The following NSD2 variants were observed in gnomAD, a reference collection of about 807,000 sequenced individuals.
The protein encoded by NSD2 is nuclear receptor binding SET domain protein 2, also known as histone-lysine N-methyltransferase NSD2.
Under a neutral mutation model 139.0 loss-of-function variants are expected in NSD2, and 12 were observed. That is an observed-to-expected ratio of 0.09 (90% CI 0.06 to 0.14). NSD2 has a LOEUF of 0.14. Ranked by LOEUF, NSD2 falls within the 10% of genes least tolerant of loss-of-function variation. The pLI is 1.00. For synonymous variants in NSD2, 669 were observed against 648.7 expected (o/e 1.03, Z -0.48); for missense variants, 1,155 against 1,745.0 (o/e 0.66, Z 6.02).
At chr4:1,900,590 CTTTTTCTTTCT>C in intron 1 of NSD2, 25 bp from the exon 2 acceptor site, 2 of 1,412,294 alleles carry the variant, frequency 1.4e-6, no homozygotes, top group Non-Finnish European at 1.9e-6. Context: ...AATGTAATTG[CTTTTTCTTTCT>C]TTTTTCTTTT....
At chr4:1,968,465 A>C (rs905884982) in intron 18 of NSD2, among the ~76,000 whole-genome samples, 1 of 152,218 alleles carries the variant, frequency 6.6e-6, no homozygotes, top group African/African-American at 2.4e-5. Flanking sequence ...AGACTTTGTT[A>C]AAGTATACAT....
At chr4:1,936,173 A>G (rs528306346) in intron 7 of NSD2, among the ~76,000 whole-genome samples, 211 of 152,166 alleles carry the variant, frequency 1.4e-3, no homozygotes, top group African/African-American at 4.9e-3. Context: ...TTTGCCTGGT[A>G]CCTGCAGGGG....
chr4:1,930,783 T>A lies in NSD2; in HGVS notation c.1555+13T>A. 1 of 1,610,770 alleles carries A rather than the reference T, an allele frequency of 6.2e-7. No individual in the cohort carries two copies. Among genetic ancestry groups the A allele is most frequent in the South Asian group, 1.1e-5 (1 of 90,536 alleles). ...GAAGAAGACTCTGGTAAACATAGCA[T>A]TATGCTGATGTCCTCTGCTTGGGTT... On this transcript the variant is annotated intron_variant, in intron 6 of 21. Coordinates refer to ENST00000508803, the MANE Select transcript of NSD2 (RefSeq NM_001042424.3).
chr4:1,953,126 C>T, intron 11 of NSD2, 198 bp from the exon 12 acceptor site: 1 of 1,541,400 alleles, frequency 6.5e-7, no homozygotes, highest in Non-Finnish European at 8.8e-7. Context: ...GCTCAGATCG[C>T]AGCAAGGTAA....
chr4:1,939,676 A>T lies in NSD2; in HGVS notation c.1779A>T (p.Ala593=), dbSNP rs755333913. The part of the protein sequence containing the change: ...SQAATKNLSD[A]CKPLKKRNRA... ...CAGCAACGAAAAATCTGTCTGATGC[A>T]TGTAAACCACTGAAGAAGCGAAATC... The change falls in exon 9 of 22, where the codon GCA becomes GCT. Residue 593 remains alanine (A), a synonymous_variant. Transcript: ENST00000508803. 2 of 1,614,262 alleles carry T rather than the reference A, an allele frequency of 1.2e-6. No individual in the cohort carries two copies. Among genetic ancestry groups the T allele is most frequent in the Non-Finnish European group, 1.7e-6 (2 of 1,180,046 alleles).
At position 1,980,950 on chromosome 4, in the gene NSD2, C is replaced by A. The variant is rs950188858; in HGVS notation, c.*2041C>A. 2 of 233,178 alleles carry A rather than the reference C, an allele frequency of 8.6e-6. No individual in the cohort carries two copies. Among genetic ancestry groups the A allele is most frequent in the Admixed American group, 5.6e-5 (1 of 17,782 alleles). The allele number at this position is 233,178 out of a possible 1,614,324, so 14.4% of individuals were successfully genotyped here. ...GGCCGGGCAGTGTCCCCACACACAC[C>A]TTAGAGTCGAAGGCCCCAGGGCCCC... On this transcript the variant is annotated 3_prime_UTR_variant, in exon 22 of 22. Coordinates refer to ENST00000508803, the MANE Select transcript of NSD2 (RefSeq NM_001042424.3).
At position 1,942,880 on chromosome 4, in the gene NSD2, C is replaced by G; in HGVS notation, c.1881+3102C>G. ...TGAGATATATTCAGTATTGTAGATA[C>G]TACACTAATTTCCAACATAAGAGGC... On this transcript the variant is annotated intron_variant, in intron 9 of 21. Transcript: ENST00000508803. This position sits in a 1 kb window ranked among gnomAD's most constrained non-coding sequence, Gnocchi z 4.0. 1 of 1,060,700 alleles carries G rather than the reference C, an allele frequency of 9.4e-7. No homozygotes were observed. The highest frequency in any genetic ancestry group is 1.1e-6 in the Non-Finnish European group (1 of 876,564). The allele number at this position is 1,060,700 out of a possible 1,614,324, so 65.7% of individuals were successfully genotyped here. A position where few individuals can be genotyped will look rare whatever the true frequency, so the allele number is the denominator to read the frequency against.
chr4:1,886,571 C>T (rs1715128792), intron 1 of NSD2, among the ~76,000 whole-genome samples: 1 of 152,122 alleles, frequency 6.6e-6, no homozygotes, highest in African/African-American at 2.4e-5. Context: ...GTGACTCACG[C>T]CTGTAATTCC....
chr4:1,880,621 A>G (rs1318139931), intron 1 of NSD2, among the ~76,000 whole-genome samples: 4 of 152,130 alleles, frequency 2.6e-5, no homozygotes, highest in Non-Finnish European at 5.9e-5. Context: ...CCAAAAAAAA[A>G]AAAAATCAAA....
chr4:1,891,632 C>T (rs143428268), intron 1 of NSD2, among the ~76,000 whole-genome samples: 4,792 of 152,078 alleles, frequency 0.032, 244 homozygotes, highest in African/African-American at 0.11. Flanking sequence ...GCGGGCAGTT[C>T]ACGAGGTGAG....
chr4:1,930,730 G>A lies in NSD2; in HGVS notation c.1515G>A (p.Lys505=), dbSNP rs757725510. Residue 505 remains lysine, a synonymous_variant, in exon 6 of 22, where the codon AAG becomes AAA. Transcript: ENST00000508803. ...SEKQRARYNT[K]FALVAPVQAE... is the part of the protein sequence containing the mutation. Reference sequence around the variant, plus strand: ...AGCAGAGAGCACGCTACAACACCAAGTTTGCCCTGGTGGCCCCTGTCCAGG... The same window carrying A: ...AGCAGAGAGCACGCTACAACACCAAATTTGCCCTGGTGGCCCCTGTCCAGG... The A allele has an allele frequency of 2.5e-6, 4 of 1,613,914 alleles. No homozygotes were observed. The highest frequency in any genetic ancestry group is 2.2e-5 in the East Asian group (1 of 44,840).
In NSD2 at chr4:1,927,633, C is replaced by T. The variant is rs1048923618; in HGVS notation, c.1411-2993C>T. ...ACTCAGGAGGCTAAGGTGGGAGAAT[C>T]GCTTGAACCCAGGAGGCAGAGGTTG... On this transcript the variant is annotated intron_variant, in intron 5 of 21. Transcript: ENST00000508803. Among the ~76,000 whole-genome samples, 12 of 142,942 alleles carry T rather than the reference C, an allele frequency of 8.4e-5. No homozygotes were observed. In the East Asian group the frequency reaches 2.5e-3, roughly 30 times the overall value. 93.8% of individuals were successfully genotyped at this position (142,942 alleles called of 152,430 possible). A position where few individuals can be genotyped will look rare whatever the true frequency, so the allele number is the denominator to read the frequency against.
chr4:1,907,613 C>CTT, intron 3 of NSD2, among the ~76,000 whole-genome samples: 1 of 121,462 alleles, frequency 8.2e-6, no homozygotes, highest in Non-Finnish European at 1.7e-5. Flanking sequence ...CCTGTTGAAT[C>CTT]TCTTTTTTTT....
At chr4:1,872,631 A>AGAGAGAGAGG (rs984225040) in intron 1 of NSD2, among the ~76,000 whole-genome samples, 1 of 133,312 alleles carries the variant, frequency 7.5e-6, no homozygotes, top group East Asian at 2.2e-4. Flanking sequence ...AGAGAGAGAG[A>AGAGAGAGAGG]GAGAGCGCGC....
At chr4:1,952,861 G>C in intron 11 of NSD2, 1 of 1,315,154 alleles carries the variant, frequency 7.6e-7, no homozygotes, top group Non-Finnish European at 9.7e-7. Flanking sequence ...TCTCACGTCA[G>C]AACACTTCCT....
chr4:1,925,117 C>T (rs1334712418), intron 5 of NSD2, among the ~76,000 whole-genome samples: 2 of 152,156 alleles, frequency 1.3e-5, no homozygotes, highest in Admixed American at 6.6e-5. Context: ...CTGTAATAAG[C>T]AATTCTAAAC....
At chr4:1,947,440 C>T in intron 9 of NSD2, 1 of 1,059,254 alleles carries the variant, frequency 9.4e-7, no homozygotes, top group Non-Finnish European at 1.1e-6. Context: ...CCTCTGTTCT[C>T]AGAGACTCAC....
At position 1,953,388 on chromosome 4, in the gene NSD2, G is replaced by A; in HGVS notation, c.2202G>A (p.Gln734=). 1 of 1,614,224 alleles carries A rather than the reference G, an allele frequency of 6.2e-7. No homozygotes were observed. The highest frequency in any genetic ancestry group is 1.1e-5 in the South Asian group (1 of 91,090). The change falls in exon 12 of 22, where the codon CAG becomes CAA. Residue 734 remains glutamine (Q), a synonymous_variant. Transcript: ENST00000508803. The part of the protein sequence containing the change: ...KTDVKRCVVT[Q]CGKFYHEACV... ...ATGTTAAGCGCTGTGTGGTAACTCA[G>A]TGTGGAAAATTTTACCATGAGGCTT...
chr4:1,918,216 A>C lies in NSD2; in HGVS notation c.1003A>C (p.Met335Leu), dbSNP rs762977766. Residue 335 changes from methionine (M) to leucine (L), a missense_variant, in exon 5 of 22, where the codon ATG becomes CTG. Around this residue, in one of 8 missense-constraint regions of NSD2, gnomAD observed 420 missense variants for 469.0 expected, o/e 0.90. Transcript: ENST00000508803. ...TGTTCAAGCAGAAGAAGCTGCAAGC[A>C]TGTCAGTGGAGGAGCGGAAAGCCAA... ...GIVQAEEAAS[M>L]SVEERKAKFT... 1 of 1,613,608 alleles carries C rather than the reference A, an allele frequency of 6.2e-7. No individual in the cohort carries two copies. The highest frequency in any genetic ancestry group is 1.1e-5 in the South Asian group (1 of 91,076).
Sources: gnomAD v4.1 joint callset for allele counts (sites outside exome capture counted in the v4.1 genomes callset) on GRCh38, gnomAD v4.1.1 for gene constraint, gnomAD v4.1.1 regional missense constraint, Gnocchi (gnomAD v3.1) non-coding constraint, MANE v1.5 for transcripts, NCBI Gene and HGNC (gene_info 2026-07-23, HGNC 2026-07-21) for gene names.